PDE4B: variants seen among roughly 807,000 people sequenced by gnomAD.
PDE4B encodes 3',5'-cyclic-AMP phosphodiesterase 4B.
PDE4B carries 20 observed loss-of-function variants against 82.2 expected under a neutral mutation model. That is an observed-to-expected ratio of 0.24 (90% CI 0.17 to 0.35). The LOEUF is 0.35. Ranked by LOEUF, PDE4B falls within the 10% of genes least tolerant of loss-of-function variation. The probability of loss-of-function intolerance (pLI) is 1.00; values close to 1 mark genes in which losing one functional copy is unlikely to be tolerated. For missense variants in PDE4B, 655 were observed against 907.2 expected (o/e 0.72, Z 3.57); for synonymous variants, 320 against 318.9 (o/e 1.00, Z -0.04).
chr1:66,105,223 C>T (rs1302395341), intron 3 of PDE4B, among the ~76,000 whole-genome samples: 1 of 143,756 alleles, frequency 7.0e-6, no homozygotes, highest in Non-Finnish European at 1.6e-5. Context: ...TTGTTTTTGT[C>T]ATGTTTGTCA....
chr1:66,042,999 T>G (rs924384152), intron 3 of PDE4B, among the ~76,000 whole-genome samples: 1 of 151,754 alleles, frequency 6.6e-6, no homozygotes, highest in Non-Finnish European at 1.5e-5. Flanking sequence ...ATGTGTTCTT[T>G]TCATAAACCT....
intron 3 of PDE4B, among the ~76,000 whole-genome samples, chr1:65,927,644 G>C (rs2100506019): frequency 6.6e-6 from 1 of 151,930 alleles, no homozygotes; most frequent in African/African-American, 2.4e-5. Flanking sequence ...CAGCCAAATG[G>C]GAGAGTTGAA....
intron 3 of PDE4B, among the ~76,000 whole-genome samples, chr1:65,930,223 G>T (rs78136346): frequency 6.6e-6 from 1 of 152,302 alleles, no homozygotes; most frequent in African/African-American, 2.4e-5. Context: ...CAGTTCATTA[G>T]ATTGTGCCCA....
chr1:65,900,854 T>C (rs1646963769), intron 1 of PDE4B, among the ~76,000 whole-genome samples: 1 of 152,104 alleles, frequency 6.6e-6, no homozygotes, highest in South Asian at 2.1e-4. Context: ...AGGAACCTTT[T>C]AGTGGAGTCC....
chr1:65,991,434 A>G lies in PDE4B; in HGVS notation c.281+72599A>G, dbSNP rs558756462. Among the ~76,000 whole-genome samples, 5 of 152,124 alleles carry G rather than the reference A, an allele frequency of 3.3e-5. No individual in the cohort carries two copies. In the East Asian group the frequency reaches 9.7e-4, roughly 29 times the overall value. ...CTCTCACATCTTAGTGGGAGAATTA[A>G]ATGTCTCTCTTTTTCACTGAAGTCT... On this transcript the variant is annotated intron_variant, in intron 3 of 16. Transcript: ENST00000341517.
At position 66,180,516 on chromosome 1, in the gene PDE4B, C is replaced by A. The variant is rs1647041073; in HGVS notation, c.282-66944C>A. 2.0e-5 allele frequency among the ~76,000 whole-genome samples: 3 copies of A among 152,092 alleles called. No homozygotes were observed. The South Asian group carries it at 6.2e-4, about 32-fold the overall frequency. ...ATAAAGCTCAAGTCAGGGAACTGTTCAGAAGGCTGTAGCAGTAACTCAGGA... is the reference window on the plus strand; with the variant it reads ...ATAAAGCTCAAGTCAGGGAACTGTTAAGAAGGCTGTAGCAGTAACTCAGGA... On this transcript the variant is annotated intron_variant, in intron 3 of 16. Transcript: ENST00000341517.
chr1:66,223,367 T>C (rs1651158596), intron 3 of PDE4B, among the ~76,000 whole-genome samples: 1 of 152,152 alleles, frequency 6.6e-6, no homozygotes, highest in Non-Finnish European at 1.5e-5. Flanking sequence ...TGTATTTAGG[T>C]TGATTACTCA....
intron 3 of PDE4B, among the ~76,000 whole-genome samples, chr1:65,987,447 G>A (rs2503192): frequency 6.6e-6 from 1 of 152,198 alleles, no homozygotes; most frequent in African/African-American, 2.4e-5. Context: ...CTGGATCACC[G>A]TGGGAGCATG....
At chr1:65,830,712 G>A (rs188601668) in intron 1 of PDE4B, among the ~76,000 whole-genome samples, 1 of 152,146 alleles carries the variant, frequency 6.6e-6, no homozygotes, top group Non-Finnish European at 1.5e-5. Flanking sequence ...GAAGAGCATG[G>A]TAAGGAGACA....
chr1:66,232,571 C>T (rs541601554), intron 3 of PDE4B, among the ~76,000 whole-genome samples: 1 of 152,228 alleles, frequency 6.6e-6, no homozygotes, highest in Non-Finnish European at 1.5e-5. Context: ...GAGCGTAAAG[C>T]TGAGCCCAGG....
chr1:66,056,526 A>G (rs1427496842), intron 3 of PDE4B, among the ~76,000 whole-genome samples: 2 of 56,626 alleles, frequency 3.5e-5, no homozygotes, highest in African/African-American at 6.5e-5. Context: ...CTATCTATCT[A>G]TCTATCATCT....
intron 3 of PDE4B, among the ~76,000 whole-genome samples, chr1:66,230,597 A>G (rs913187499): frequency 2.0e-5 from 3 of 152,218 alleles, no homozygotes; most frequent in Non-Finnish European, 4.4e-5. Context: ...CAAGATAGCA[A>G]TGAGATTTAA....
At chr1:66,123,410 AT>A (rs1055705663) in intron 3 of PDE4B, among the ~76,000 whole-genome samples, 2 of 152,128 alleles carry the variant, frequency 1.3e-5, no homozygotes, top group African/African-American at 4.8e-5. Flanking sequence ...TTTTTGAATT[AT>A]ACTTTCTCAA....
At chr1:66,121,109 C>T (rs568538943) in intron 3 of PDE4B, among the ~76,000 whole-genome samples, 1 of 152,210 alleles carries the variant, frequency 6.6e-6, no homozygotes, top group South Asian at 2.1e-4. Context: ...AATAGTGCTG[C>T]CTCAGGGGGT....
At chr1:66,060,007 GT>G (rs890298827) in intron 3 of PDE4B, among the ~76,000 whole-genome samples, 9 of 152,236 alleles carry the variant, frequency 5.9e-5, no homozygotes, top group African/African-American at 1.7e-4. Context: ...TTCAAAAACA[GT>G]TTTTAAGTAA....
chr1:66,143,006 AG>A (rs1291416121), intron 3 of PDE4B, among the ~76,000 whole-genome samples: 1 of 152,220 alleles, frequency 6.6e-6, no homozygotes, highest in African/African-American at 2.4e-5. Context: ...GTGTTGTAAC[AG>A]GCATTTATAA....
intron 3 of PDE4B, among the ~76,000 whole-genome samples, chr1:65,939,339 C>T (rs1442309904): frequency 6.6e-6 from 1 of 152,070 alleles, no homozygotes; most frequent in Non-Finnish European, 1.5e-5. Flanking sequence ...CTCCTCCTTT[C>T]CCTTTTCCCT....
intron 3 of PDE4B, among the ~76,000 whole-genome samples, chr1:65,978,824 T>C (rs1160628541): frequency 6.6e-6 from 1 of 152,232 alleles, no homozygotes; most frequent in African/African-American, 2.4e-5. Flanking sequence ...TAGAATTTTA[T>C]GCAGATTTAT....
intron 16 of PDE4B, among the ~76,000 whole-genome samples, chr1:66,369,964 A>G (rs1570797174): frequency 4.6e-5 from 7 of 152,124 alleles, no homozygotes; most frequent in Admixed American, 3.3e-4. Flanking sequence ...CCTGGCCAAC[A>G]TGGTGAAACC....
Sources: allele counts gnomAD v4.1 joint callset (sites outside exome capture counted in the v4.1 genomes callset), GRCh38; gene constraint gnomAD v4.1.1; transcripts MANE v1.5; gene names NCBI Gene and HGNC (gene_info 2026-07-23, HGNC 2026-07-21).